PALM: variants seen among roughly 807,000 people sequenced by gnomAD.
The protein encoded by PALM is paralemmin.
PALM carries 18 observed loss-of-function variants against 30.7 expected under a neutral mutation model. The observed-to-expected ratio is 0.59, with a 90% CI of 0.41 to 0.87. The LOEUF (loss-of-function observed/expected upper bound fraction) is 0.87. PALM is among the 40% of genes least tolerant of loss of function. The probability of loss-of-function intolerance (pLI) is 0.00; values close to 1 mark genes in which losing one functional copy is unlikely to be tolerated. For missense variants in PALM, 529 were observed against 555.4 expected (o/e 0.95, Z 0.48); for synonymous variants, 286 against 242.8 (o/e 1.18, Z -1.66).
intron 1 of PALM, among the ~76,000 whole-genome samples, chr19:713,257 G>C (rs1224314752): frequency 6.6e-6 from 1 of 152,112 alleles, no homozygotes; most frequent in Non-Finnish European, 1.5e-5. Flanking sequence ...CGGTGGCCTT[G>C]TCGGTGGTCT....
At chr19:717,764 G>A (rs2032314069) in intron 1 of PALM, among the ~76,000 whole-genome samples, 3 of 147,354 alleles carry the variant, frequency 2.0e-5, no homozygotes, top group South Asian at 4.8e-4. Context: ...GGATTGGGGG[G>A]ACCTCTGGGT....
At chr19:734,286 T>C in intron 6 of PALM, 92 bp downstream of exon 6, 2 of 1,267,044 alleles carry the variant, frequency 1.6e-6, no homozygotes, top group South Asian at 1.2e-5. Flanking sequence ...ACAAAGTTGC[T>C]CGGTGCCTCA....
intron 1 of PALM, among the ~76,000 whole-genome samples, chr19:723,232 G>C (rs905449376): frequency 2.0e-5 from 3 of 152,154 alleles, no homozygotes; most frequent in Non-Finnish European, 2.9e-5. Context: ...GGCCCAGAGA[G>C]GCACGAGGGC....
chr19:736,200 C>T (rs1275209451), intron 7 of PALM, 122 bp downstream of exon 7: 4 of 697,022 alleles, frequency 5.7e-6, no homozygotes, highest in Admixed American at 5.9e-5. Context: ...CTGACGGGGC[C>T]GTGGTTATGG....
Position 747,479 on chromosome 19 carries a change from G to T in PALM, c.*665G>T, listed in dbSNP as rs896253933. On this transcript the variant is annotated 3_prime_UTR_variant, in exon 9 of 9. Coordinates refer to ENST00000338448, the MANE Select transcript of PALM (RefSeq NM_002579.3). The stretch of plus-strand genomic sequence containing the variant: ...GAACCCCGGGGACATGCCCCCACCC[G>T]GGAGGGGCCGGTAACCCCTGGGCTA... 1 of 153,288 alleles carries T rather than the reference G, an allele frequency of 6.5e-6. No homozygotes were observed. The highest frequency in any genetic ancestry group is 2.4e-5 in the African/African-American group (1 of 41,462). 9.5% of individuals were successfully genotyped at this position (153,288 alleles called of 1,614,324 possible). A position where few individuals can be genotyped will look rare whatever the true frequency, so the allele number is the denominator to read the frequency against.
intron 1 of PALM, among the ~76,000 whole-genome samples, chr19:716,264 T>C (rs1455483019): frequency 6.6e-6 from 1 of 151,912 alleles, no homozygotes; most frequent in Non-Finnish European, 1.5e-5. Flanking sequence ...AATACAAAAA[T>C]TAGCCAGGCA....
chr19:721,968 G>C (rs562915809), intron 1 of PALM, among the ~76,000 whole-genome samples: 13 of 152,016 alleles, frequency 8.6e-5, no homozygotes, highest in Non-Finnish European at 1.9e-4. Flanking sequence ...GCCCAGGCTG[G>C]AGTGCAGTGG....
chr19:746,467 A>T lies in PALM; in HGVS notation c.817A>T (p.Ile273Phe), dbSNP rs2033344829. ...CCGGACCACGCCCTCCCGGCGGGAG[A>T]TCACCGGTGTGCAGGCACAGCCAGG... is the stretch of plus-strand genomic sequence containing the variant. The part of the protein sequence containing the change: ...AARTTPSRRE[I>F]TGVQAQPGEA... The change falls in exon 9 of 9, where the codon ATC becomes TTC. Residue 273 changes from isoleucine (I) to phenylalanine (F), a missense_variant. Transcript: ENST00000338448. This position sits in a 1 kb window ranked among gnomAD's most constrained non-coding sequence, Gnocchi z 7.1. 6.2e-7 allele frequency: 1 copy of T among 1,609,026 alleles called. No homozygotes were observed.
chr19:732,881 G>A (rs1385544234), intron 5 of PALM, among the ~76,000 whole-genome samples: 5 of 151,872 alleles, frequency 3.3e-5, no homozygotes, highest in Non-Finnish European at 7.4e-5. Flanking sequence ...CCTGGAGGAT[G>A]TGGGTTTCGT....
intron 1 of PALM, among the ~76,000 whole-genome samples, chr19:723,680 T>C (rs1335206959): frequency 6.6e-6 from 1 of 152,134 alleles, no homozygotes; most frequent in Admixed American, 6.6e-5. Flanking sequence ...AACCTCCGCC[T>C]CCTGGGTTCA....
Position 746,205 on chromosome 19 carries a change from TCCC to T in PALM, c.635-79_635-77del. The T allele has an allele frequency of 2.7e-6, 3 of 1,108,278 alleles. No homozygotes were observed. Among genetic ancestry groups the T allele is most frequent in the Non-Finnish European group, 4.0e-6 (3 of 748,680 alleles). 68.7% of individuals were successfully genotyped at this position (1,108,278 alleles called of 1,614,324 possible). On this transcript the variant is annotated intron_variant, in intron 8 of 8. Transcript: ENST00000338448. This position sits in a 1 kb window ranked among gnomAD's most constrained non-coding sequence, Gnocchi z 7.1. Reference sequence around the variant, plus strand: ...GGAGGATACAAGCCTTGCCAAGGTTTCCCTCCTGCCTGAGCCAGGTCACTCTCT... The same window carrying T: ...GGAGGATACAAGCCTTGCCAAGGTTTTCCTGCCTGAGCCAGGTCACTCTCT...
In PALM at chr19:746,001, T is replaced by G. The variant is rs1425451525; in HGVS notation, c.635-284T>G. 1.3e-5 allele frequency among the ~76,000 whole-genome samples: 2 copies of G among 152,144 alleles called. No individual in the cohort carries two copies. The highest frequency in any genetic ancestry group is 2.4e-5 in the African/African-American group (1 of 41,426). On this transcript the variant is annotated intron_variant, in intron 8 of 8. Transcript: ENST00000338448. This position sits in a 1 kb window ranked among gnomAD's most constrained non-coding sequence, Gnocchi z 7.1. ...TGAACCCGGGAGGTGGAGCTTGCAG[T>G]GAGCTGAGATCACGCCATTGCACTC...
intron 1 of PALM, among the ~76,000 whole-genome samples, chr19:723,623 G>A (rs1202032269): frequency 6.8e-5 from 8 of 118,104 alleles, no homozygotes; most frequent in East Asian, 5.2e-4. Context: ...ACGGAGTCTC[G>A]CTTTGTTGCC....
At position 727,686 on chromosome 19, in the gene PALM, G is replaced by T; in HGVS notation, c.261G>T (p.Ser87=). Residue 87 remains serine (S), a synonymous_variant, in exon 4 of 9, where the codon TCG becomes TCT. Transcript: ENST00000338448. ...AGAAGACACGGCTGCTGGAGGACTCGGTGTCCAGGTGGGGGCTGCAGCGTG... is the reference window on the plus strand; with the variant it reads ...AGAAGACACGGCTGCTGGAGGACTCTGTGTCCAGGTGGGGGCTGCAGCGTG... ...DEQKTRLLED[S]VSRLEKEIEV... is the part of the protein sequence containing the mutation. 1 of 1,557,266 alleles carries T rather than the reference G, an allele frequency of 6.4e-7. No homozygotes were observed. The highest frequency in any genetic ancestry group is 1.9e-5 in the Admixed American group (1 of 51,644).
chr19:735,801 G>C (rs796386541), intron 6 of PALM, among the ~76,000 whole-genome samples: 9 of 141,268 alleles, frequency 6.4e-5, no homozygotes, highest in African/African-American at 2.4e-4. Flanking sequence ...GCCTGTGTCC[G>C]GGTGTCTGGG....
At chr19:735,875 T>A in intron 6 of PALM, 144 bp from the exon 7 acceptor site, 1 of 659,836 alleles carries the variant, frequency 1.5e-6, no homozygotes, top group Admixed American at 2.6e-5. Context: ...GGTTCCTGTG[T>A]CTGGGTGGGG....
intron 1 of PALM, among the ~76,000 whole-genome samples, chr19:721,136 T>TTGGTGCA (rs2032463915): frequency 6.6e-6 from 1 of 151,968 alleles, no homozygotes; most frequent in Non-Finnish European, 1.5e-5. Context: ...GCTTGGTGCA[T>TTGGTGCA]AGCCAGGGGG....
At chr19:729,659 A>G (rs947282123) in intron 4 of PALM, among the ~76,000 whole-genome samples, 2 of 151,424 alleles carry the variant, frequency 1.3e-5, no homozygotes, top group Admixed American at 1.3e-4. Flanking sequence ...ACGGGGTTTC[A>G]CCATGTTGGT....
intron 1 of PALM, among the ~76,000 whole-genome samples, chr19:720,213 G>A (rs1025839288): frequency 1.3e-5 from 2 of 151,900 alleles, no homozygotes; most frequent in East Asian, 2.0e-4. Context: ...CCCCACCCCC[G>A]CGCGCCGGGC....
Sources: gnomAD v4.1 joint callset for allele counts (sites outside exome capture counted in the v4.1 genomes callset) on GRCh38, gnomAD v4.1.1 for gene constraint, Gnocchi (gnomAD v3.1) non-coding constraint, MANE v1.5 for transcripts, NCBI Gene and HGNC (gene_info 2026-07-23, HGNC 2026-07-21) for gene names.